Variants in GALK2 observed in about 807,000 individuals in gnomAD.
GALK2 encodes galactokinase 2, also known as N-acetylgalactosamine kinase.
A neutral mutation model predicts 52.4 loss-of-function variants in GALK2; 36 were observed. The ratio of observed to expected loss-of-function variants is 0.69; its 90% CI spans 0.53 to 0.91. The LOEUF (loss-of-function observed/expected upper bound fraction) is 0.91. GALK2 is among the 40% of genes least tolerant of loss of function. The pLI, the probability that GALK2 is intolerant of heterozygous loss-of-function variation, is 0.00. For synonymous variants in GALK2, 176 were observed against 199.1 expected, an observed-to-expected ratio of 0.88 and a Z score of 0.98; for missense variants, 579 against 559.1, an observed-to-expected ratio of 1.04 and a Z score of -0.36.
In GALK2 at chr15:49,352,971, A is replaced by C. The variant is rs528112204; in HGVS notation, c.427-14520A>C. ...CTTAGCTTTGCTTGGTCAACAGGTT[A>C]TTCTGGTAGTCTTTTAGGGGACTAT... is the stretch of plus-strand genomic sequence containing the variant. On this transcript the variant is annotated intron_variant, in intron 3 of 3. Transcript: ENST00000558399. Among the ~76,000 whole-genome samples, 138 of 152,318 alleles carry C rather than the reference A, an allele frequency of 9.1e-4. 5 individuals carry two copies. In the South Asian group the frequency reaches 0.027, roughly 30 times the overall value.
rs781232988 is a variant in GALK2, at chr15:49,292,395, A to G, written c.825A>G (p.Leu275=). 8.7e-6 allele frequency: 14 copies of G among 1,613,960 alleles called. No homozygotes were observed. Among genetic ancestry groups the G allele is most frequent in the East Asian group, 2.2e-5 (1 of 44,896 alleles). The part of the protein sequence containing the change: ...VLRLEEVQAK[L]GISLEEMLLV... Reference sequence around the variant, plus strand: ...GGCTGGAGGAGGTGCAGGCTAAACTAGGGATTAGTCTAGAAGAAATGCTGT... The same window carrying G: ...GGCTGGAGGAGGTGCAGGCTAAACTGGGGATTAGTCTAGAAGAAATGCTGT... The change falls in exon 8 of 10, where the codon CTA becomes CTG. Residue 275 remains leucine, a synonymous_variant. Coordinates refer to ENST00000560031, the MANE Select transcript of GALK2 (RefSeq NM_002044.4).
chr15:49,164,418 A>G (rs750971184), intron 1 of GALK2, among the ~76,000 whole-genome samples: 16 of 152,118 alleles, frequency 1.1e-4, no homozygotes, highest in Non-Finnish European at 1.8e-4. Flanking sequence ...TTGGATGGTT[A>G]TGACAAGGTG....
At chr15:49,209,757 T>G (rs2141346442) in intron 2 of GALK2, among the ~76,000 whole-genome samples, 1 of 152,312 alleles carries the variant, frequency 6.6e-6, no homozygotes, top group East Asian at 1.9e-4. Flanking sequence ...TGAGGATTTT[T>G]GATTATATGT....
upstream of GALK2, among the ~76,000 whole-genome samples, chr15:49,167,545 G>A (rs1427259046): frequency 6.6e-6 from 1 of 152,084 alleles, no homozygotes; most frequent in Non-Finnish European, 1.5e-5. Flanking sequence ...TTTTAGTAGA[G>A]ATGGGGTTTC....
chr15:49,286,263 G>A (rs1000322043), intron 7 of GALK2, among the ~76,000 whole-genome samples: 2 of 152,190 alleles, frequency 1.3e-5, no homozygotes, highest in African/African-American at 4.8e-5. Flanking sequence ...TTGATGTGAT[G>A]CTTAAGCTGA....
chr15:49,328,180 A>G lies in GALK2; in HGVS notation c.*21A>G. 1 of 1,604,092 alleles carries G rather than the reference A, an allele frequency of 6.2e-7. No individual in the cohort carries two copies. The highest frequency in any genetic ancestry group is 8.5e-7 in the Non-Finnish European group (1 of 1,174,794). On this transcript the variant is annotated 3_prime_UTR_variant, in exon 10 of 10. Coordinates refer to ENST00000560031, the MANE Select transcript of GALK2 (RefSeq NM_002044.4). ...CCTGAAAAAATGTAAAAAGTCTGAG[A>G]GAAACTACTTAGGGCACTTAGGAAT...
chr15:49,358,938 T>C (rs201283240), intron 3 of GALK2, among the ~76,000 whole-genome samples: 32,346 of 141,518 alleles, frequency 0.23, 4,267 homozygotes, highest in Non-Finnish European at 0.32. Context: ...ACGCCGCATA[T>C]CTACAACTAT....
intron 1 of GALK2, among the ~76,000 whole-genome samples, chr15:49,164,286 A>G (rs2084745627): frequency 6.6e-6 from 1 of 152,090 alleles, no homozygotes; most frequent in African/African-American, 2.4e-5. Context: ...AGCCGAAGCC[A>G]ATTGACAACC....
Position 49,283,797 on chromosome 15 carries a change from T to G in GALK2, c.756+79T>G. On this transcript the variant is annotated intron_variant, in intron 7 of 9. Coordinates refer to ENST00000560031, the MANE Select transcript of GALK2 (RefSeq NM_002044.4). ...TTTCATTGTTCTCTATTACTTTATC[T>G]CTTTCCCCAAATTTTAGGGCAACAT... 4 of 1,460,930 alleles carry G rather than the reference T, an allele frequency of 2.7e-6. No homozygotes were observed. In the Admixed American group the frequency reaches 7.7e-5, roughly 28 times the overall value. The allele number at this position is 1,460,930 out of a possible 1,614,324, so 90.5% of individuals were successfully genotyped here.
Position 49,282,143 on chromosome 15 carries a change from GAGA to G in GALK2, c.603+64_603+66del, listed in dbSNP as rs2032792390. ...AATTCCTAGTGGGAAAATTTACATG[GAGA>G]AGAAGGCCCTGAGAGCCCCAGGATG... On this transcript the variant is annotated intron_variant, in intron 6 of 9. Transcript: ENST00000560031. 3.2e-6 allele frequency: 4 copies of G among 1,267,038 alleles called. No homozygotes were observed. In the East Asian group the frequency reaches 7.0e-5, roughly 22 times the overall value. 78.5% of individuals were successfully genotyped at this position (1,267,038 alleles called of 1,614,324 possible). A position where few individuals can be genotyped will look rare whatever the true frequency, so the allele number is the denominator to read the frequency against.
chr15:49,362,423 A>C (rs2044400284), intron 3 of GALK2, among the ~76,000 whole-genome samples: 1 of 152,150 alleles, frequency 6.6e-6, no homozygotes, highest in Non-Finnish European at 1.5e-5. Flanking sequence ...CAGAACTGTG[A>C]GTCAGTTAAA....
intron 8 of GALK2, among the ~76,000 whole-genome samples, chr15:49,293,291 G>T (rs549370327): frequency 1.3e-5 from 2 of 152,356 alleles, no homozygotes; most frequent in Non-Finnish European, 2.9e-5. Flanking sequence ...TGTCTTAAAG[G>T]CTGGAAGTAC....
chr15:49,221,181 ATT>A (rs113377202), intron 3 of GALK2, among the ~76,000 whole-genome samples: 25,764 of 151,784 alleles, frequency 0.17, 2,438 homozygotes, highest in South Asian at 0.21. Flanking sequence ...TTTCCCCTAT[ATT>A]TCTTTCTAGT....
At chr15:49,335,653 CAG>C (rs1482546745), downstream of GALK2, among the ~76,000 whole-genome samples, 3 of 152,186 alleles carry the variant, frequency 2.0e-5, no homozygotes, top group South Asian at 2.1e-4. Flanking sequence ...GAGTTACACT[CAG>C]AGGACTGAAA....
chr15:49,365,386 C>G, intron 3 of GALK2: 1 of 1,208,350 alleles, frequency 8.3e-7, no homozygotes, highest in Non-Finnish European at 1.2e-6. Flanking sequence ...AGTATATATA[C>G]GAAGAACCAG....
At chr15:49,301,323 A>C (rs574337733) in intron 8 of GALK2, among the ~76,000 whole-genome samples, 7 of 152,276 alleles carry the variant, frequency 4.6e-5, no homozygotes, top group African/African-American at 1.7e-4. Context: ...TCAATCCTTT[A>C]GATGTTGTTT....
At chr15:49,353,173 T>A (rs772412078) in intron 3 of GALK2, among the ~76,000 whole-genome samples, 2 of 152,184 alleles carry the variant, frequency 1.3e-5, no homozygotes, top group Non-Finnish European at 2.9e-5. Context: ...AACAAAATCA[T>A]AGGGACTTGA....
chr15:49,182,574 C>T (rs75001694), intron 1 of GALK2, among the ~76,000 whole-genome samples: 2,671 of 152,166 alleles, frequency 0.018, 98 homozygotes, highest in African/African-American at 0.062. Context: ...CAACTGTTCT[C>T]GGTAGTGGTT....
chr15:49,312,901 C>G (rs974228800), intron 8 of GALK2, among the ~76,000 whole-genome samples: 7 of 152,142 alleles, frequency 4.6e-5, no homozygotes, highest in Admixed American at 4.6e-4. Context: ...TATTTGATAG[C>G]AACAGTAACA....
Sources: allele counts gnomAD v4.1 joint callset (sites outside exome capture counted in the v4.1 genomes callset), GRCh38; gene constraint gnomAD v4.1.1; transcripts MANE v1.5; gene names NCBI Gene and HGNC (gene_info 2026-07-23, HGNC 2026-07-21).